CCNT1: variants seen among roughly 807,000 people sequenced by gnomAD.
CCNT1 encodes cyclin-T1.
A neutral mutation model predicts 67.3 loss-of-function variants in CCNT1; 18 were observed. The ratio of observed to expected loss-of-function variants is 0.27; its 90% CI spans 0.18 to 0.40. The LOEUF (loss-of-function observed/expected upper bound fraction) is 0.40. Among genes scored for constraint, CCNT1 ranks in the 10% least tolerant of loss-of-function variants. The pLI is 1.00. For missense variants in CCNT1, 744 were observed against 884.9 expected (o/e 0.84, Z 2.02); for synonymous variants, 333 against 310.3 (o/e 1.07, Z -0.77).
At position 48,698,078 on chromosome 12, in the gene CCNT1, T is replaced by C. The variant is rs1940206155; in HGVS notation, c.542+60A>G. ...AGAGAATTATCTATAGCACACTGTATCAAACTCAAGTAAAGTCCTATACCA... is the reference window on the plus strand; with the variant it reads ...AGAGAATTATCTATAGCACACTGTACCAAACTCAAGTAAAGTCCTATACCA... On this transcript the variant is annotated intron_variant, in intron 6 of 8. Coordinates refer to ENST00000261900, the MANE Select transcript of CCNT1 (RefSeq NM_001240.4). The C allele has an allele frequency of 1.1e-5, 12 of 1,129,006 alleles. No homozygotes were observed. The South Asian group carries it at 1.7e-4, about 16-fold the overall frequency. The allele number at this position is 1,129,006 out of a possible 1,614,324, so 69.9% of individuals were successfully genotyped here. A position where few individuals can be genotyped will look rare whatever the true frequency, so the allele number is the denominator to read the frequency against.
intron 3 of CCNT1, among the ~76,000 whole-genome samples, chr12:48,701,382 C>T (rs11168692): frequency 6.6e-6 from 1 of 151,314 alleles, no homozygotes; most frequent in Non-Finnish European, 1.5e-5. Flanking sequence ...CGCAACACCA[C>T]GCCCGGCTAA....
At chr12:48,702,644 G>C (rs890887854) in intron 3 of CCNT1, among the ~76,000 whole-genome samples, 5 of 152,140 alleles carry the variant, frequency 3.3e-5, no homozygotes, top group African/African-American at 1.2e-4. Flanking sequence ...AATTAGCTGG[G>C]TGTGATGGTG....
intron 3 of CCNT1, among the ~76,000 whole-genome samples, chr12:48,702,043 C>A (rs1282648780): frequency 2.0e-5 from 3 of 151,938 alleles, no homozygotes. Flanking sequence ...ATTACAGGAG[C>A]CCACCACCAC....
intron 1 of CCNT1, among the ~76,000 whole-genome samples, chr12:48,714,833 C>T (rs1042974146): frequency 3.9e-5 from 6 of 152,158 alleles, no homozygotes; most frequent in Non-Finnish European, 7.4e-5. Context: ...CGGCCAGGCG[C>T]GGTGGCTCAC....
In CCNT1 at chr12:48,690,758, C is replaced by T. The variant is rs937497090; in HGVS notation, c.*2275G>A. The T allele has an allele frequency of 6.6e-5, 10 of 152,200 alleles. No homozygotes were observed. Among genetic ancestry groups the T allele is most frequent in the African/African-American group, 2.4e-4 (10 of 41,454 alleles). 9.4% of individuals were successfully genotyped at this position (152,200 alleles called of 1,614,324 possible). ...ACTACAGTACGGCCATGGATAACTG[C>T]TATGAGGCCAAATGATTATGTGCCT... On this transcript the variant is annotated 3_prime_UTR_variant, in exon 9 of 9. Transcript: ENST00000261900.
intron 3 of CCNT1, among the ~76,000 whole-genome samples, chr12:48,704,751 G>A (rs1406199191): frequency 6.6e-6 from 1 of 152,144 alleles, no homozygotes; most frequent in Admixed American, 6.5e-5. Flanking sequence ...GGAGGTTGCA[G>A]TGAGCCGAGA....
In CCNT1 at chr12:48,694,420, T is replaced by C. The variant is rs1220364569; in HGVS notation, c.794A>G (p.Lys265Arg). 6.2e-7 allele frequency: 1 copy of C among 1,611,928 alleles called. No individual in the cohort carries two copies. The highest frequency in any genetic ancestry group is 1.7e-5 in the Admixed American group (1 of 59,974). The change falls in exon 9 of 9, where the codon AAG becomes AGG. Residue 265 changes from lysine (K) to arginine (R), a missense_variant. This residue lies in a region of CCNT1 where 564 missense variants were observed against 574.2 expected (regional missense o/e 0.98). Transcript: ENST00000261900. Reference protein sequence around the residue: ...IWNWRACEAAKKTKADDRGTD... With the variant: ...IWNWRACEAARKTKADDRGTD... ...TCCTCGGTCATCTGCTTTTGTTTTC[T>C]TGGCAGCCTCGCATGCCTGCAATGA...
At position 48,692,862 on chromosome 12, in the gene CCNT1, G is replaced by A; in HGVS notation, c.*171C>T. On this transcript the variant is annotated 3_prime_UTR_variant, in exon 9 of 9. Transcript: ENST00000261900. ...AGAAAATAGTTAAATGCATGAGACA[G>A]CAGATATATAGCCAAGGCCTTCTAC... is the stretch of plus-strand genomic sequence containing the variant. 1 of 574,140 alleles carries A rather than the reference G, an allele frequency of 1.7e-6. No homozygotes were observed. The allele number at this position is 574,140 out of a possible 1,614,324, so 35.6% of individuals were successfully genotyped here. A position where few individuals can be genotyped will look rare whatever the true frequency, so the allele number is the denominator to read the frequency against.
chr12:48,694,483 TA>T (rs1565615857), intron 8 of CCNT1, 47 bp from the exon 9 acceptor site: 3 of 1,522,364 alleles, frequency 2.0e-6, no homozygotes, highest in South Asian at 2.5e-5. Flanking sequence ...ATTTACTAAA[TA>T]AAAAAACACT....
rs537779285 is a variant in CCNT1, at chr12:48,716,401, C to T, written c.161+114G>A. Reference sequence around the variant, plus strand: ...ATCGTGGGCTCTCCCAACTAGACATCCAGCTTCTGCCCACCTTCTTCCCCA... The same window carrying T: ...ATCGTGGGCTCTCCCAACTAGACATTCAGCTTCTGCCCACCTTCTTCCCCA... On this transcript the variant is annotated intron_variant, in intron 1 of 8. Coordinates refer to ENST00000261900, the MANE Select transcript of CCNT1 (RefSeq NM_001240.4). The T allele has an allele frequency of 5.7e-4, 568 of 991,098 alleles. 1 individual carries two copies. Among genetic ancestry groups the T allele is most frequent in the South Asian group, 6.1e-4 (34 of 55,886 alleles). 61.4% of individuals were successfully genotyped at this position (991,098 alleles called of 1,614,324 possible). A position where few individuals can be genotyped will look rare whatever the true frequency, so the allele number is the denominator to read the frequency against.
intron 4 of CCNT1, among the ~76,000 whole-genome samples, chr12:48,700,419 G>T (rs1220966490): frequency 6.6e-6 from 1 of 151,340 alleles, no homozygotes; most frequent in Admixed American, 6.6e-5. Flanking sequence ...AAAAAATTGT[G>T]TCTACGCCAA....
intron 6 of CCNT1, among the ~76,000 whole-genome samples, chr12:48,697,194 TGATA>T (rs1407160540): frequency 6.6e-6 from 1 of 151,936 alleles, no homozygotes. Flanking sequence ...GCCCATTGAT[TGATA>T]GAGGGGGAAG....
intron 1 of CCNT1, among the ~76,000 whole-genome samples, chr12:48,716,044 G>A (rs937350712): frequency 2.6e-5 from 4 of 152,204 alleles, no homozygotes; most frequent in African/African-American, 7.2e-5. Flanking sequence ...GATGAGGAAT[G>A]GATTTTGGAC....
At chr12:48,704,681 C>T (rs1940327262) in intron 3 of CCNT1, among the ~76,000 whole-genome samples, 1 of 152,114 alleles carries the variant, frequency 6.6e-6, no homozygotes, top group Non-Finnish European at 1.5e-5. Flanking sequence ...TGGTGGTGCA[C>T]ACCTGTAGTC....
intron 2 of CCNT1, among the ~76,000 whole-genome samples, chr12:48,708,649 T>C (rs1330968269): frequency 3.3e-5 from 5 of 152,130 alleles, no homozygotes; most frequent in Non-Finnish European, 5.9e-5. Context: ...ACTAAATATA[T>C]GTACATGTAC....
chr12:48,695,639 A>T, intron 8 of CCNT1, 120 bp downstream of exon 8: 1 of 658,220 alleles, frequency 1.5e-6, no homozygotes, highest in Non-Finnish European at 2.7e-6. Flanking sequence ...AGTCATGATT[A>T]CTGTGTAACT....
chr12:48,699,968 T>C, intron 4 of CCNT1, 128 bp from the exon 5 acceptor site: 2 of 567,358 alleles, frequency 3.5e-6, no homozygotes, highest in East Asian at 3.0e-5. Context: ...TAGAAATTTA[T>C]TCCACCAGAA....
At chr12:48,696,203 T>A in intron 6 of CCNT1, 41 bp from the exon 7 acceptor site, 2 of 882,332 alleles carry the variant, frequency 2.3e-6, no homozygotes, top group African/African-American at 2.1e-5. Context: ...TCATGAGCTC[T>A]CAATTCTCAG....
rs1370525095 is a variant in CCNT1, at chr12:48,699,848, G to A, written c.434-8C>T. 18 of 1,561,562 alleles carry A rather than the reference G, an allele frequency of 1.2e-5. No homozygotes were observed. The highest frequency in any genetic ancestry group is 1.5e-5 in the Non-Finnish European group (17 of 1,139,148). On this transcript the variant is annotated splice_polypyrimidine_tract_variant and splice_region_variant and intron_variant, in intron 4 of 8. Coordinates refer to ENST00000261900, the MANE Select transcript of CCNT1 (RefSeq NM_001240.4). ...CAATTGTTAGTTCAAAGCCTTAAAA[G>A]AAAAAGTAATGGATTAAAAAACTAT...
Sources: allele counts gnomAD v4.1 joint callset (sites outside exome capture counted in the v4.1 genomes callset), GRCh38; gene constraint gnomAD v4.1.1; regional missense constraint gnomAD v4.1.1; transcripts MANE v1.5; gene names NCBI Gene and HGNC (gene_info 2026-07-23, HGNC 2026-07-21).